Variants in STK31 observed in about 807,000 individuals in gnomAD.
STK31 encodes the protein serine/threonine kinase 31, also known as serine/threonine-protein kinase 31.
In STK31, 89 loss-of-function variants were observed where a neutral mutation model predicts 129.7. The ratio of observed to expected loss-of-function variants is 0.69; its 90% CI spans 0.58 to 0.82. STK31 has a LOEUF of 0.82. STK31 is among the 40% of genes least tolerant of loss of function. The probability of loss-of-function intolerance (pLI) is 0.00; values close to 1 mark genes in which losing one functional copy is unlikely to be tolerated. For synonymous variants in STK31, 448 were observed against 395.3 expected (o/e 1.13, Z -1.58); for missense variants, 1,187 against 1,176.4 (o/e 1.01, Z -0.13).
At position 23,769,075 on chromosome 7, in the gene STK31, T is replaced by C. The variant is rs1790009757; in HGVS notation, c.1497T>C (p.Tyr499=). The C allele has an allele frequency of 6.2e-7, 1 of 1,613,320 alleles. No homozygotes were observed. Among genetic ancestry groups the C allele is most frequent in the Non-Finnish European group, 8.5e-7 (1 of 1,179,458 alleles). The change falls in exon 12 of 24, where the codon TAT becomes TAC. Residue 499 remains tyrosine (Y), a synonymous_variant. Transcript: ENST00000355870. The part of the protein sequence containing the change: ...ANSDEILKKF[Y]DWKCDKREEF... ...CTGATGAAATACTTAAAAAATTTTATGACTGGAAGTGTGATAAAAGAGAGG... is the reference window on the plus strand; with the variant it reads ...CTGATGAAATACTTAAAAAATTTTACGACTGGAAGTGTGATAAAAGAGAGG...
chr7:23,771,559 G>A (rs1300501891), intron 14 of STK31: 1 of 152,876 alleles, frequency 6.5e-6, no homozygotes, highest in Non-Finnish European at 1.5e-5. Flanking sequence ...GGTATATTAT[G>A]AACATTTTTC....
At position 23,754,349 on chromosome 7, in the gene STK31, C is replaced by A. The variant is rs1185994173; in HGVS notation, c.1168C>A (p.Leu390Ile). The change falls in exon 10 of 24, where the codon CTT becomes ATT. Residue 390 changes from leucine to isoleucine, a missense_variant. Leu to Ile is a conservative substitution (Grantham distance 5). This residue lies in a region of STK31 where 975 missense variants were observed against 934.9 expected (regional missense o/e 1.04). Transcript: ENST00000355870. ...CATCAGTGTCCGTTTCGGAAAAGAC[C>A]TTTCAGATGCTATACAAGTGTTGGA... Reference protein sequence around the residue: ...VDISVRFGKDLSDAIQVLDEG... With the variant: ...VDISVRFGKDISDAIQVLDEG... 6.2e-7 allele frequency: 1 copy of A among 1,612,544 alleles called. No homozygotes were observed. Among genetic ancestry groups the A allele is most frequent in the African/African-American group, 1.3e-5 (1 of 74,844 alleles).
intron 16 of STK31, among the ~76,000 whole-genome samples, chr7:23,782,455 G>C (rs1395404243): frequency 8.3e-6 from 1 of 119,984 alleles, no homozygotes; most frequent in East Asian, 2.4e-4. Context: ...CTGGGCAACA[G>C]AGCAAGACCC....
intron 22 of STK31, among the ~76,000 whole-genome samples, chr7:23,793,920 A>T (rs906356519): frequency 6.6e-6 from 1 of 152,194 alleles, no homozygotes; most frequent in Non-Finnish European, 1.5e-5. Flanking sequence ...CCACACAAAG[A>T]TTTGTATGTA....
At chr7:23,741,380 T>C (rs1271707315) in intron 8 of STK31, among the ~76,000 whole-genome samples, 2 of 152,210 alleles carry the variant, frequency 1.3e-5, no homozygotes, top group African/African-American at 4.8e-5. Context: ...TTAGGAAATA[T>C]TATTTTCTAA....
rs893768205 is a variant in STK31, at chr7:23,710,381, G to C, written c.50+46G>C. 5.6e-6 allele frequency: 9 copies of C among 1,612,902 alleles called. No homozygotes were observed. The African/African-American group carries it at 1.2e-4, about 22-fold the overall frequency. On this transcript the variant is annotated intron_variant, in intron 1 of 23. Transcript: ENST00000355870. ...TACGTGCAGTGGTGGCCGCTTCAAG[G>C]ACTATTTTCGTCGCTGCTTGCGTTT... is the stretch of plus-strand genomic sequence containing the variant.
chr7:23,800,189 T>C (rs1321080126), intron 22 of STK31, among the ~76,000 whole-genome samples: 1 of 152,146 alleles, frequency 6.6e-6, no homozygotes, highest in Admixed American at 6.5e-5. Flanking sequence ...TCCTCAGGCA[T>C]CTAGAACCAG....
Position 23,710,241 on chromosome 7 carries a change from G to T in STK31, c.-45G>T. 6.3e-7 allele frequency: 1 copy of T among 1,590,686 alleles called. No individual in the cohort carries two copies. The highest frequency in any genetic ancestry group is 2.2e-5 in the East Asian group (1 of 44,528). On this transcript the variant is annotated 5_prime_UTR_variant, in exon 1 of 24. Coordinates refer to ENST00000355870, the MANE Select transcript of STK31 (RefSeq NM_031414.5). ...CTTGCGGTCGAAGCTCACGCGGTAA[G>T]CCGCTGCACGTGTGCTACGGCGGGC...
intron 11 of STK31, 146 bp downstream of exon 11, chr7:23,763,069 G>A (rs550157296): frequency 7.2e-6 from 5 of 694,906 alleles, no homozygotes. Flanking sequence ...TTTTTAATGG[G>A]ATTAAAAGTT....
intron 22 of STK31, among the ~76,000 whole-genome samples, chr7:23,813,389 T>C (rs561621120): frequency 6.6e-6 from 1 of 152,322 alleles, no homozygotes. Context: ...GTGGTGTTGA[T>C]TGCAGTTTCT....
chr7:23,767,945 G>A (rs566535525), intron 11 of STK31, among the ~76,000 whole-genome samples: 3 of 152,086 alleles, frequency 2.0e-5, no homozygotes, highest in Non-Finnish European at 4.4e-5. Flanking sequence ...AATTTCTAGG[G>A]TTTGATTTCT....
intron 8 of STK31, among the ~76,000 whole-genome samples, chr7:23,738,560 T>C (rs1314401190): frequency 2.6e-5 from 4 of 151,998 alleles, no homozygotes; most frequent in African/African-American, 9.7e-5. Flanking sequence ...CTAATTTTTG[T>C]GTTTTCTTTT....
At chr7:23,797,381 C>G (rs796560559) in intron 22 of STK31, among the ~76,000 whole-genome samples, 7 of 151,774 alleles carry the variant, frequency 4.6e-5, no homozygotes, top group African/African-American at 1.7e-4. Flanking sequence ...CACTCCTCAG[C>G]AAATGCAAAA....
intron 18 of STK31, 112 bp from the exon 19 acceptor site, chr7:23,786,396 A>T: frequency 8.7e-7 from 1 of 1,152,292 alleles, no homozygotes; most frequent in Non-Finnish European, 1.1e-6. Context: ...TTAAAAAATA[A>T]AATTAGATTT....
In STK31 at chr7:23,737,019, C is replaced by T. The variant is rs761808263; in HGVS notation, c.958C>T (p.Leu320Phe). The change falls in exon 8 of 24, where the codon CTT becomes TTT. Residue 320 changes from leucine to phenylalanine, a missense_variant. Physicochemically the swap from Leu to Phe is conservative, Grantham distance 22. This residue lies in a region of STK31 where 975 missense variants were observed against 934.9 expected (regional missense o/e 1.04). Coordinates refer to ENST00000355870, the MANE Select transcript of STK31 (RefSeq NM_031414.5). ...NEKLKTEKDA[L>F]LESYKALELK... ...AAAACTTAAAACAGAGAAGGACGCT[C>T]TTCTTGAAAGTTATAAGGCGTTAGA... The T allele has an allele frequency of 1.9e-6, 3 of 1,612,822 alleles. No homozygotes were observed. The highest frequency in any genetic ancestry group is 1.1e-5 in the South Asian group (1 of 90,972).
In STK31 at chr7:23,821,045, A is replaced by G. The variant is rs538738967; in HGVS notation, c.2829+5833A>G. Among the ~76,000 whole-genome samples, 245 of 152,078 alleles carry G rather than the reference A, an allele frequency of 1.6e-3. 1 individual carries two copies. Among genetic ancestry groups the G allele is most frequent in the African/African-American group, 5.7e-3 (237 of 41,494 alleles). On this transcript the variant is annotated intron_variant, in intron 23 of 23. Transcript: ENST00000355870. Reference sequence around the variant, plus strand: ...TGATTTCCTTTTTATTTTGATGAATATCAAATATTTTGACACTTAGGTTGA... The same window carrying G: ...TGATTTCCTTTTTATTTTGATGAATGTCAAATATTTTGACACTTAGGTTGA...
At chr7:23,762,968 A>G (rs758407833) in intron 11 of STK31, 45 bp downstream of exon 11, 2 of 1,458,950 alleles carry the variant, frequency 1.4e-6, no homozygotes, top group South Asian at 2.8e-5. Flanking sequence ...TTGTAAGTTT[A>G]TTTAAGAAGT....
chr7:23,756,884 C>T (rs559075653), intron 10 of STK31, among the ~76,000 whole-genome samples: 12 of 152,150 alleles, frequency 7.9e-5, no homozygotes, highest in Admixed American at 2.6e-4. Flanking sequence ...CTGCGGGATT[C>T]GGTTTGTCAG....
At chr7:23,789,215 T>TG (rs11376447) in intron 21 of STK31, among the ~76,000 whole-genome samples, 64,075 of 151,874 alleles carry the variant, frequency 0.42, 13,843 homozygotes, top group Admixed American at 0.52. Context: ...GCTGGACATT[T>TG]GGTTGTTTAT....
Sources: allele counts gnomAD v4.1 joint callset (sites outside exome capture counted in the v4.1 genomes callset), GRCh38; gene constraint gnomAD v4.1.1; regional missense constraint gnomAD v4.1.1; transcripts MANE v1.5; gene names NCBI Gene and HGNC (gene_info 2026-07-23, HGNC 2026-07-21).